Variants in TFCP2L1 observed in about 807,000 individuals in gnomAD.
TFCP2L1 encodes transcription factor CP2-like protein 1.
TFCP2L1 carries 12 observed loss-of-function variants against 72.2 expected under a neutral mutation model. The observed-to-expected ratio is 0.17, with a 90% CI of 0.11 to 0.27. TFCP2L1 has a LOEUF of 0.27. TFCP2L1 is among the 10% of genes least tolerant of loss of function. The probability of loss-of-function intolerance (pLI) is 1.00; values close to 1 mark genes in which losing one functional copy is unlikely to be tolerated. For synonymous variants in TFCP2L1, 260 were observed against 251.0 expected (o/e 1.04, Z -0.34); for missense variants, 488 against 624.6 (o/e 0.78, Z 2.33).
rs1685876993 is a variant in TFCP2L1 at position 121,218,677 on chromosome 2, G to A, written c.*5664C>T. 6.6e-6 allele frequency: 1 copy of A among 152,316 alleles called. No individual in the cohort carries two copies. The highest frequency in any genetic ancestry group is 2.1e-4 in the South Asian group (1 of 4,828). 9.4% of individuals were successfully genotyped at this position (152,316 alleles called of 1,614,324 possible). A position where few individuals can be genotyped will look rare whatever the true frequency, so the allele number is the denominator to read the frequency against. On this transcript the variant is annotated 3_prime_UTR_variant, in exon 15 of 15. Transcript: ENST00000263707. ...TTATCCCATCAGCTGCCCTGCACAG[G>A]AGCAGAAAACCCATGCCTCAGAGCT...
At chr2:121,227,136 A>G (rs1375131471) in intron 13 of TFCP2L1, among the ~76,000 whole-genome samples, 1 of 152,240 alleles carries the variant, frequency 6.6e-6, no homozygotes, top group Non-Finnish European at 1.5e-5. Flanking sequence ...GATTTCACTC[A>G]TGGAAAGTTT....
Position 121,285,092 on chromosome 2 carries a change from C to A in TFCP2L1, c.18G>T (p.Thr6=). The A allele has an allele frequency of 6.6e-7, 1 of 1,522,530 alleles. No homozygotes were observed. The highest frequency in any genetic ancestry group is 2.1e-5 in the Admixed American group (1 of 47,288). The allele number at this position is 1,522,530 out of a possible 1,614,324, so 94.3% of individuals were successfully genotyped here. A position where few individuals can be genotyped will look rare whatever the true frequency, so the allele number is the denominator to read the frequency against. The change falls in exon 1 of 15, where the codon ACG becomes ACT. Residue 6 remains threonine, a synonymous_variant. Transcript: ENST00000263707. The stretch of plus-strand genomic sequence containing the variant: ...TGTGCTGGTTGTAGTGCTCGGGCTG[C>A]GTGTGCCAGAAGAGCATGGCTGGAA... MLFWH[T]QPEHYNQHNS... is the part of the protein sequence containing the mutation.
intron 5 of TFCP2L1, 73 bp from the exon 6 acceptor site, chr2:121,247,043 C>A: frequency 6.4e-7 from 1 of 1,570,186 alleles, no homozygotes; most frequent in South Asian, 1.2e-5. Flanking sequence ...CAAGCGCCCC[C>A]TCTATTGGAG....
At chr2:121,257,047 C>T (rs2104721577) in intron 2 of TFCP2L1, among the ~76,000 whole-genome samples, 1 of 152,298 alleles carries the variant, frequency 6.6e-6, no homozygotes, top group African/African-American at 2.4e-5. Context: ...AGGCAACTCC[C>T]TCCAAAGTCC....
At chr2:121,276,897 A>G (rs1345049883) in intron 2 of TFCP2L1, among the ~76,000 whole-genome samples, 1 of 152,042 alleles carries the variant, frequency 6.6e-6, no homozygotes. Context: ...ATTTCAAAGA[A>G]TGAAAGATTT....
At chr2:121,280,140 T>C (rs1687226640) in intron 2 of TFCP2L1, among the ~76,000 whole-genome samples, 1 of 151,928 alleles carries the variant, frequency 6.6e-6, no homozygotes, top group Non-Finnish European at 1.5e-5. Flanking sequence ...TTCATTCTTT[T>C]AAACTCCACA....
At chr2:121,250,540 A>G in intron 2 of TFCP2L1, among the ~76,000 whole-genome samples, 1 of 152,062 alleles carries the variant, frequency 6.6e-6, no homozygotes, top group East Asian at 1.9e-4. Context: ...TGTAGCATAT[A>G]TCGCAATTTA....
At chr2:121,280,616 C>G (rs1235962385) in intron 2 of TFCP2L1, among the ~76,000 whole-genome samples, 1 of 151,480 alleles carries the variant, frequency 6.6e-6, no homozygotes, top group African/African-American at 2.4e-5. Context: ...TAAAAATTAG[C>G]CGGGCATGGC....
intron 2 of TFCP2L1, among the ~76,000 whole-genome samples, chr2:121,252,813 C>T (rs1165162437): frequency 6.6e-6 from 1 of 152,222 alleles, no homozygotes; most frequent in Non-Finnish European, 1.5e-5. Context: ...CAACTTGTTA[C>T]AGCAGCCACA....
chr2:121,282,479 G>A (rs1203133312), intron 1 of TFCP2L1, among the ~76,000 whole-genome samples: 3 of 150,252 alleles, frequency 2.0e-5, no homozygotes. Context: ...CCAGGGGTTT[G>A]AGATCAGCCT....
chr2:121,285,056 G>T lies in TFCP2L1; in HGVS notation c.54C>A (p.Ser18Arg). The T allele has an allele frequency of 6.6e-7, 1 of 1,513,482 alleles. No individual in the cohort carries two copies. The highest frequency in any genetic ancestry group is 8.8e-7 in the Non-Finnish European group (1 of 1,132,776). The allele number at this position is 1,513,482 out of a possible 1,614,324, so 93.8% of individuals were successfully genotyped here. A position where few individuals can be genotyped will look rare whatever the true frequency, so the allele number is the denominator to read the frequency against. Residue 18 changes from serine to arginine, a missense_variant, in exon 1 of 15, where the codon AGC (serine) becomes AGA (arginine). By Grantham distance (110) the Ser-to-Arg change is moderately radical. Coordinates refer to ENST00000263707, the MANE Select transcript of TFCP2L1 (RefSeq NM_014553.3). ...PEHYNQHNSG[S>R]YLRDVLALPI... ...CCGCGCGCGGCCCTTACCGCAGGTAGCTGCCGGAGTTGTGCTGGTTGTAGT... is the reference window on the plus strand; with the variant it reads ...CCGCGCGCGGCCCTTACCGCAGGTATCTGCCGGAGTTGTGCTGGTTGTAGT...
At chr2:121,234,664 G>T (rs547548693) in intron 11 of TFCP2L1, among the ~76,000 whole-genome samples, 6 of 152,306 alleles carry the variant, frequency 3.9e-5, no homozygotes, top group African/African-American at 1.4e-4. Flanking sequence ...TCCATGTGTG[G>T]CTATTAAAAC....
At position 121,219,751 on chromosome 2, in the gene TFCP2L1, A is replaced by G. The variant is rs1350106682; in HGVS notation, c.*4590T>C. ...CTCCCAAAATGCTAGGATTAGAGGCATGGGCCACCACGTCCAGCTTTTTGT... is the reference window on the plus strand; with the variant it reads ...CTCCCAAAATGCTAGGATTAGAGGCGTGGGCCACCACGTCCAGCTTTTTGT... On this transcript the variant is annotated 3_prime_UTR_variant, in exon 15 of 15. Transcript: ENST00000263707. 1 of 152,258 alleles carries G rather than the reference A, an allele frequency of 6.6e-6. No individual in the cohort carries two copies. The highest frequency in any genetic ancestry group is 6.5e-5 in the Admixed American group (1 of 15,288). The allele number at this position is 152,258 out of a possible 1,614,324, so 9.4% of individuals were successfully genotyped here.
rs1183580235 is a variant in TFCP2L1 at position 121,239,779 on chromosome 2, AC to A, written c.769-131del. On this transcript the variant is annotated intron_variant, in intron 7 of 14. Coordinates refer to ENST00000263707, the MANE Select transcript of TFCP2L1 (RefSeq NM_014553.3). ...CACCTGTGAAACGCAGCCTGCGTTT[AC>A]CCAGTGCCCACAGTGAGCCACGGCA... The A allele has an allele frequency of 4.3e-6, 4 of 930,034 alleles. No homozygotes were observed. In the African/African-American group the frequency reaches 6.7e-5, roughly 16 times the overall value. 57.6% of individuals were successfully genotyped at this position (930,034 alleles called of 1,614,324 possible). A position where few individuals can be genotyped will look rare whatever the true frequency, so the allele number is the denominator to read the frequency against.
intron 2 of TFCP2L1, among the ~76,000 whole-genome samples, chr2:121,265,571 C>T (rs552743319): frequency 3.6e-4 from 55 of 151,942 alleles, no homozygotes; most frequent in Non-Finnish European, 6.5e-4. Context: ...ACAACCTCCA[C>T]CTCCCAGGTT....
chr2:121,249,460 G>A (rs541994857), intron 3 of TFCP2L1, 111 bp downstream of exon 3: 18 of 973,742 alleles, frequency 1.8e-5, no homozygotes, highest in South Asian at 1.3e-4. Flanking sequence ...AGCTGAACCC[G>A]GCCTCTCCCT....
chr2:121,277,381 T>A (rs2104764111), intron 2 of TFCP2L1, among the ~76,000 whole-genome samples: 1 of 152,306 alleles, frequency 6.6e-6, no homozygotes, highest in Non-Finnish European at 1.5e-5. Flanking sequence ...CATGTTTCAC[T>A]AATCAGATGA....
At chr2:121,262,141 C>G (rs894146950) in intron 2 of TFCP2L1, among the ~76,000 whole-genome samples, 5 of 152,146 alleles carry the variant, frequency 3.3e-5, no homozygotes, top group Non-Finnish European at 7.3e-5. Flanking sequence ...ACAGAGAGAC[C>G]TCGTCTCTTA....
intron 2 of TFCP2L1, among the ~76,000 whole-genome samples, chr2:121,255,899 C>T (rs984348222): frequency 3.3e-5 from 5 of 152,104 alleles, no homozygotes; most frequent in African/African-American, 9.7e-5. Flanking sequence ...CCCGCCACCT[C>T]GCCCGGCTAA....
Sources: gnomAD v4.1 joint callset for allele counts (sites outside exome capture counted in the v4.1 genomes callset) on GRCh38, gnomAD v4.1.1 for gene constraint, MANE v1.5 for transcripts, NCBI Gene and HGNC (gene_info 2026-07-23, HGNC 2026-07-21) for gene names.